RPTOR: variants seen among roughly 807,000 people sequenced by gnomAD.
RPTOR encodes regulatory-associated protein of mTOR.
RPTOR carries 21 observed loss-of-function variants against 169.9 expected under a neutral mutation model. The ratio of observed to expected loss-of-function variants is 0.12; its 90% CI spans 0.09 to 0.18. The LOEUF is 0.18. Ranked by LOEUF, RPTOR falls within the 10% of genes least tolerant of loss-of-function variation. The pLI, the probability that RPTOR is intolerant of heterozygous loss-of-function variation, is 1.00. For missense variants in RPTOR, 1,133 were observed against 1,855.9 expected, an observed-to-expected ratio of 0.61 and a Z score of 7.16; for synonymous variants, 732 against 753.2, an observed-to-expected ratio of 0.97 and a Z score of 0.46.
rs1555626304 is a variant in RPTOR, at chr17:80,845,956, C to CCGGCCCCAGCG, written c.1213-506_1213-496dup. 3.9e-5 allele frequency among the ~76,000 whole-genome samples: 6 copies of CCGGCCCCAGCG among 152,198 alleles called. No homozygotes were observed. The highest frequency in any genetic ancestry group is 2.1e-4 in the South Asian group (1 of 4,838). ...CTTTCCCTCCACTGCCGGGCCCTCA[C>CCGGCCCCAGCG]CGGCCCCAGCGCGGCCCCAGCTCAT... On this transcript the variant is annotated intron_variant, in intron 10 of 33. Transcript: ENST00000306801. This position sits in a 1 kb window ranked among gnomAD's most constrained non-coding sequence, Gnocchi z 5.4.
At chr17:80,610,664 T>C (rs9901550) in intron 1 of RPTOR, among the ~76,000 whole-genome samples, 24,785 of 152,050 alleles carry the variant, frequency 0.16, 2,978 homozygotes, top group African/African-American at 0.33. Context: ...ATCCTTCAGC[T>C]GAACCTAGGG....
At chr17:80,731,720 G>A (rs1375977093) in intron 5 of RPTOR, among the ~76,000 whole-genome samples, 4 of 152,160 alleles carry the variant, frequency 2.6e-5, no homozygotes, top group Non-Finnish European at 4.4e-5. Context: ...CTCAATTTAG[G>A]AGCAAAAATG....
In RPTOR at chr17:80,738,089, C is replaced by T. The variant is rs77457668; in HGVS notation, c.654+7383C>T. ...TGCCAACCAGAAAGGAAATAGGTCACGGGAGAAATGGGGGGAAACACAGGC... is the reference window on the plus strand; with the variant it reads ...TGCCAACCAGAAAGGAAATAGGTCATGGGAGAAATGGGGGGAAACACAGGC... On this transcript the variant is annotated intron_variant, in intron 5 of 33. Transcript: ENST00000306801. 1.7e-4 allele frequency among the ~76,000 whole-genome samples: 26 copies of T among 152,224 alleles called. No individual in the cohort carries two copies. In the East Asian group the frequency reaches 4.3e-3, roughly 25 times the overall value.
chr17:80,770,345 T>G (rs1047885540), intron 6 of RPTOR, among the ~76,000 whole-genome samples: 2 of 152,214 alleles, frequency 1.3e-5, no homozygotes, highest in Non-Finnish European at 2.9e-5. Flanking sequence ...AGGAGGGACG[T>G]GCCTTCTCAG....
intron 25 of RPTOR, among the ~76,000 whole-genome samples, chr17:80,944,852 G>T (rs1018234442): frequency 3.3e-5 from 5 of 152,086 alleles, no homozygotes; most frequent in African/African-American, 1.2e-4. Context: ...TTAGCTGGGC[G>T]TGGTGGCGGA....
At chr17:80,751,010 TC>T (rs1451137241) in intron 5 of RPTOR, among the ~76,000 whole-genome samples, 4 of 152,230 alleles carry the variant, frequency 2.6e-5, no homozygotes, top group African/African-American at 9.6e-5. Context: ...TGATTTGTAC[TC>T]TGGGTTTAAT....
chr17:80,910,139 G>C (rs972544037), intron 21 of RPTOR, among the ~76,000 whole-genome samples: 1 of 152,146 alleles, frequency 6.6e-6, no homozygotes, highest in African/African-American at 2.4e-5. Context: ...CCTGCAAATT[G>C]TCACCACCTC....
chr17:80,741,818 A>G (rs930045071), intron 5 of RPTOR, among the ~76,000 whole-genome samples: 1 of 152,162 alleles, frequency 6.6e-6, no homozygotes, highest in Admixed American at 6.6e-5. Flanking sequence ...AGGAGAGGCC[A>G]GTCGAGGCCT....
chr17:80,845,287 C>G lies in RPTOR; in HGVS notation c.1213-1186C>G, dbSNP rs992258069. 1.4e-4 allele frequency among the ~76,000 whole-genome samples: 22 copies of G among 152,280 alleles called. No individual in the cohort carries two copies. The highest frequency in any genetic ancestry group is 5.3e-4 in the African/African-American group (22 of 41,564). ...GTGGCCCACGGAGAACTCGTGTCAC[C>G]CCCTCGAGGGGCCCTGATGCCGCCT... On this transcript the variant is annotated intron_variant, in intron 10 of 33. Coordinates refer to ENST00000306801, the MANE Select transcript of RPTOR (RefSeq NM_020761.3). The surrounding 1 kb of genome is among the most constrained non-coding windows in gnomAD (Gnocchi z 5.4).
intron 13 of RPTOR, 154 bp downstream of exon 13, chr17:80,858,054 C>T: frequency 6.1e-6 from 4 of 653,414 alleles, no homozygotes; most frequent in Middle Eastern, 2.9e-4. Flanking sequence ...AAGTGGGACG[C>T]GCCCGCCTCG....
chr17:80,890,051 T>G (rs72857951), intron 17 of RPTOR, among the ~76,000 whole-genome samples: 5,292 of 141,596 alleles, frequency 0.037, 184 homozygotes, highest in South Asian at 0.088. Flanking sequence ...GAGGCCCCTG[T>G]ATGCAGCAGG....
chr17:80,582,602 A>G (rs1375207622), intron 1 of RPTOR, among the ~76,000 whole-genome samples: 2 of 137,482 alleles, frequency 1.5e-5, no homozygotes, highest in Non-Finnish European at 3.0e-5. Context: ...CTGGAGTGCA[A>G]TGGCGTGATC....
At chr17:80,702,124 G>A (rs1375314364) in intron 3 of RPTOR, among the ~76,000 whole-genome samples, 1 of 152,114 alleles carries the variant, frequency 6.6e-6, no homozygotes, top group Non-Finnish European at 1.5e-5. Flanking sequence ...GGCCTTATTA[G>A]CATATAAATT....
chr17:80,825,965 G>T (rs574041167), intron 9 of RPTOR, among the ~76,000 whole-genome samples: 1 of 152,318 alleles, frequency 6.6e-6, no homozygotes, highest in South Asian at 2.1e-4. Flanking sequence ...GAGTGGAGCA[G>T]CCCTGGGTCA....
At chr17:80,789,247 G>A (rs543166219) in intron 6 of RPTOR, among the ~76,000 whole-genome samples, 2 of 152,198 alleles carry the variant, frequency 1.3e-5, no homozygotes, top group South Asian at 2.1e-4. Context: ...ACTATCTGTT[G>A]TGGATGAGGC....
intron 28 of RPTOR, among the ~76,000 whole-genome samples, chr17:80,952,242 G>A (rs1409950220): frequency 6.6e-6 from 1 of 152,230 alleles, no homozygotes; most frequent in Non-Finnish European, 1.5e-5. Flanking sequence ...TTAGCAGGTT[G>A]GTTTCCCTCC....
intron 20 of RPTOR, among the ~76,000 whole-genome samples, chr17:80,905,256 T>C (rs1236034552): frequency 1.3e-5 from 2 of 152,082 alleles, no homozygotes; most frequent in African/African-American, 2.4e-5. Context: ...TCCATGGATG[T>C]AGAGGGCCAA....
In RPTOR at chr17:80,947,076, C is replaced by T. The variant is rs149780938; in HGVS notation, c.3141-151C>T. The T allele has an allele frequency of 2.1e-4, 144 of 673,964 alleles. No individual in the cohort carries two copies. In the African/African-American group the frequency reaches 2.4e-3, roughly 11 times the overall value. The allele number at this position is 673,964 out of a possible 1,614,324, so 41.7% of individuals were successfully genotyped here. ...CAACAGTCCTCCTGCTTCAGCCTCC[C>T]AAGTAGCTAGGATGACAGGTGTGAG... On this transcript the variant is annotated intron_variant, in intron 26 of 33. Transcript: ENST00000306801. This position sits in a 1 kb window ranked among gnomAD's most constrained non-coding sequence, Gnocchi z 4.4.
chr17:80,913,671 T>G (rs1175759894), intron 21 of RPTOR, among the ~76,000 whole-genome samples: 13 of 152,208 alleles, frequency 8.5e-5, no homozygotes, highest in Admixed American at 8.5e-4. Context: ...CAGGCTGGTC[T>G]CAAACTCCTA....
Sources: allele counts gnomAD v4.1 joint callset (sites outside exome capture counted in the v4.1 genomes callset), GRCh38; gene constraint gnomAD v4.1.1; non-coding constraint Gnocchi (gnomAD v3.1); transcripts MANE v1.5; gene names NCBI Gene and HGNC (gene_info 2026-07-23, HGNC 2026-07-21).